ACYP2: variants seen among roughly 807,000 people sequenced by gnomAD.
ACYP2 encodes the protein acylphosphatase 2, also known as acylphosphatase-2.
A neutral mutation model predicts 11.2 loss-of-function variants in ACYP2; 12 were observed. The observed-to-expected ratio is 1.08, with a 90% CI of 0.69 to 1.74. The LOEUF (loss-of-function observed/expected upper bound fraction) is 1.74. Among genes scored for constraint, ACYP2 ranks in the 40% most tolerant of loss-of-function variants. The probability of loss-of-function intolerance (pLI) is 0.00; values close to 1 mark genes in which losing one functional copy is unlikely to be tolerated. For missense variants in ACYP2, 134 were observed against 101.9 expected, an observed-to-expected ratio of 1.31 and a Z score of -1.35; for synonymous variants, 43 against 32.2, an observed-to-expected ratio of 1.33 and a Z score of -1.13.
intron 6 of ACYP2, among the ~76,000 whole-genome samples, chr2:54,178,504 C>T (rs1270647409): frequency 2.0e-5 from 3 of 152,180 alleles, no homozygotes; most frequent in East Asian, 1.9e-4. Context: ...GCCCCAATCC[C>T]ACCACATTAA....
intron 5 of ACYP2, among the ~76,000 whole-genome samples, 181 bp downstream of exon 2, chr2:54,135,650 A>T (rs192118579): frequency 6.6e-6 from 1 of 152,176 alleles, no homozygotes; most frequent in African/African-American, 2.4e-5. Flanking sequence ...AATGCTAAAA[A>T]CATTGTACCC....
At chr2:54,146,897 C>G (rs1681919677) in intron 6 of ACYP2, among the ~76,000 whole-genome samples, 1 of 151,722 alleles carries the variant, frequency 6.6e-6, no homozygotes, top group South Asian at 2.1e-4. Flanking sequence ...CAGGTTCAAG[C>G]AGTTCTCCTG....
chr2:54,171,161 G>A (rs1311182993), intron 6 of ACYP2, among the ~76,000 whole-genome samples: 2 of 152,144 alleles, frequency 1.3e-5, no homozygotes, highest in African/African-American at 4.8e-5. Flanking sequence ...GCAGGGGACA[G>A]GCTGGAGTGC....
intron 6 of ACYP2, among the ~76,000 whole-genome samples, chr2:54,299,423 C>T (rs1689637553): frequency 6.6e-6 from 1 of 151,478 alleles, no homozygotes; most frequent in East Asian, 1.9e-4. Context: ...GAAACCCTAT[C>T]TCTACTAAAA....
chr2:54,056,904 A>G (rs1676181924), intron 3 of ACYP2, among the ~76,000 whole-genome samples: 1 of 152,216 alleles, frequency 6.6e-6, no homozygotes, highest in Non-Finnish European at 1.5e-5. Context: ...GTGTAAGACA[A>G]ATGCTTTTTA....
chr2:54,010,737 CTTTTTTTTT>C (rs539896151), intron 2 of ACYP2, among the ~76,000 whole-genome samples: 51 of 107,638 alleles, frequency 4.7e-4, no homozygotes, highest in African/African-American at 1.3e-3. Flanking sequence ...TTCTTTCTTT[CTTTTTTTTT>C]TTTTTTTTTT....
intron 6 of ACYP2, among the ~76,000 whole-genome samples, chr2:54,203,916 G>A (rs1183415610): frequency 6.6e-6 from 1 of 152,070 alleles, no homozygotes; most frequent in Non-Finnish European, 1.5e-5. Context: ...CACGGCCCAG[G>A]ATAGTTTTGA....
At chr2:54,303,205 G>T (rs1689794096) in intron 6 of ACYP2, among the ~76,000 whole-genome samples, 1 of 152,028 alleles carries the variant, frequency 6.6e-6, no homozygotes, top group Non-Finnish European at 1.5e-5. Flanking sequence ...AAAAAAATTA[G>T]CCAGGTGTGA....
chr2:54,200,776 G>A (rs889791724), intron 6 of ACYP2, among the ~76,000 whole-genome samples: 2 of 152,166 alleles, frequency 1.3e-5, no homozygotes, highest in African/African-American at 4.8e-5. Context: ...ATTCCTAGGA[G>A]TAGAATTGCT....
chr2:53,994,305 G>A (rs1170841493), intron 2 of ACYP2, among the ~76,000 whole-genome samples: 1 of 137,610 alleles, frequency 7.3e-6, no homozygotes, highest in African/African-American at 2.8e-5. Context: ...ACTCTAGCCT[G>A]GGTAACAGAG....
rs1266281097 is a variant in ACYP2, at chr2:53,971,174, C to T, written c.-184C>T. The T allele has an allele frequency of 3.2e-5, 6 of 185,516 alleles. No homozygotes were observed. The East Asian group carries it at 8.6e-4, about 27-fold the overall frequency. The allele number at this position is 185,516 out of a possible 1,614,324, so 11.5% of individuals were successfully genotyped here. On this transcript the variant is annotated 5_prime_UTR_variant, in exon 1 of 7. Coordinates refer to ENST00000607452, the MANE Select transcript of ACYP2 (RefSeq NM_001320586.2). ...TTCGCCGTGGGCCCGGCTCGGAGCC[C>T]CCACCCCAGGCCTCACCGGCCCAGC...
chr2:53,990,784 C>T (rs1027081036), intron 2 of ACYP2, among the ~76,000 whole-genome samples: 1 of 151,014 alleles, frequency 6.6e-6, no homozygotes, highest in African/African-American at 2.4e-5. Context: ...TAAGAATTTG[C>T]GTTTTTTTTT....
intron 4 of ACYP2, chr2:54,115,690 G>T: frequency 6.2e-7 from 1 of 1,610,404 alleles, no homozygotes; most frequent in South Asian, 1.1e-5. Context: ...CAGAGGGCTC[G>T]CCGCCGCCAT....
chr2:54,096,614 C>G (rs1477793182), intron 4 of ACYP2, among the ~76,000 whole-genome samples: 2 of 152,160 alleles, frequency 1.3e-5, no homozygotes, highest in Admixed American at 6.5e-5. Flanking sequence ...GCGGATCCCT[C>G]GCGGTTAGGA....
intron 4 of ACYP2, among the ~76,000 whole-genome samples, chr2:54,131,031 A>G (rs905868169): frequency 1.3e-5 from 2 of 152,208 alleles, no homozygotes; most frequent in African/African-American, 4.8e-5. Context: ...TTTAATTGCC[A>G]GTTTACTTGT....
chr2:54,187,452 G>T (rs1381233742), intron 6 of ACYP2, among the ~76,000 whole-genome samples: 1 of 152,192 alleles, frequency 6.6e-6, no homozygotes, highest in Non-Finnish European at 1.5e-5. Flanking sequence ...TACGTCCAGG[G>T]ATTCACAGCT....
chr2:54,159,746 C>T (rs1479834435), intron 6 of ACYP2, among the ~76,000 whole-genome samples: 1 of 152,034 alleles, frequency 6.6e-6, no homozygotes, highest in Non-Finnish European at 1.5e-5. Context: ...GGGAAGAGTG[C>T]TCCTCCTGCC....
At chr2:54,281,329 T>C (rs1453962190) in intron 6 of ACYP2, among the ~76,000 whole-genome samples, 1 of 152,220 alleles carries the variant, frequency 6.6e-6, no homozygotes, top group African/African-American at 2.4e-5. Context: ...GTTATCAAAT[T>C]AAGTACCATG....
At chr2:54,007,487 T>C (rs566479167) in intron 2 of ACYP2, among the ~76,000 whole-genome samples, 2 of 152,236 alleles carry the variant, frequency 1.3e-5, no homozygotes, top group South Asian at 4.1e-4. Context: ...TCTGTTGACC[T>C]TGTGATCCAC....
Sources: allele counts gnomAD v4.1 joint callset (sites outside exome capture counted in the v4.1 genomes callset), GRCh38; gene constraint gnomAD v4.1.1; transcripts MANE v1.5; gene names NCBI Gene and HGNC (gene_info 2026-07-23, HGNC 2026-07-21).